The following GNAS variants were observed in gnomAD, a reference collection of about 807,000 sequenced individuals.
GNAS encodes the protein GNAS complex locus.
A neutral mutation model predicts 54.5 loss-of-function variants in GNAS; 8 were observed. The observed-to-expected ratio is 0.15, with a 90% CI of 0.09 to 0.26. The LOEUF is 0.26. GNAS is among the 10% of genes least tolerant of loss of function. The pLI is 1.00. For synonymous variants in GNAS, 204 were observed against 191.4 expected, an observed-to-expected ratio of 1.07 and a Z score of -0.54; for missense variants, 170 against 529.8, an observed-to-expected ratio of 0.32 and a Z score of 6.67.
At chr20:58,888,945 C>CGCGCCCGCGCCCCCCGCCATCGCG, upstream of GNAS, 2 of 333,244 alleles carry the variant, frequency 6.0e-6, no homozygotes, top group Non-Finnish European at 8.5e-6. Context: ...CCGCCTTGGG[C>CGCGCCCGCGCCCCCCGCCATCGCG]GCGCCCGCGC....
upstream of GNAS, chr20:58,889,452 G>C (rs1555882491): frequency 1.5e-5 from 10 of 686,662 alleles, no homozygotes; most frequent in African/African-American, 1.9e-5. Flanking sequence ...CCCGGGCGCC[G>C]CTGCCTTGCC....
chr20:58,854,546 C>T, intron 1 of GNAS: 4 of 1,574,066 alleles, frequency 2.5e-6, no homozygotes, highest in East Asian at 2.3e-5. Context: ...CATTCGCAGC[C>T]GATCCCGACT....
At chr20:58,889,850 G>A (rs1396162991), upstream of GNAS, among the ~76,000 whole-genome samples, 2 of 151,522 alleles carry the variant, frequency 1.3e-5, no homozygotes, top group East Asian at 2.0e-4. Context: ...GGCCAGGCGC[G>A]AGCCGAGCTC....
chr20:58,839,939 A>G (rs2085655809), upstream of GNAS: 1 of 666,236 alleles, frequency 1.5e-6, no homozygotes. Context: ...GTGGTCAGGA[A>G]GGTAGGTGCT....
rs1330394931 is a variant in GNAS, at chr20:58,910,600, C to T, written c.1039-83C>T. On this transcript the variant is annotated intron_variant, in intron 12 of 12. Transcript: ENST00000371085. The surrounding 1 kb of genome is among the most constrained non-coding windows in gnomAD (Gnocchi z 5.8). The stretch of plus-strand genomic sequence containing the variant: ...ATGACATCAGAGGCTGGCTGACAGC[C>T]GTCCCTGGTAGGTGTCCCCATCAGG... 20 of 1,501,226 alleles carry T rather than the reference C, an allele frequency of 1.3e-5. No homozygotes were observed. Among genetic ancestry groups the T allele is most frequent in the Middle Eastern group, 3.7e-4 (2 of 5,462 alleles). 93.0% of individuals were successfully genotyped at this position (1,501,226 alleles called of 1,614,324 possible). A position where few individuals can be genotyped will look rare whatever the true frequency, so the allele number is the denominator to read the frequency against.
intron 1 of GNAS, among the ~76,000 whole-genome samples, chr20:58,858,786 T>TTCTC (rs140651291): frequency 4.6e-5 from 7 of 150,646 alleles, no homozygotes; most frequent in South Asian, 2.1e-4. Flanking sequence ...TATTTTTCTT[T>TTCTC]TCTCTCTCTC....
rs1420338933 is a variant in GNAS, at chr20:58,905,244, T to C, written c.433-139T>C. 9 of 689,096 alleles carry C rather than the reference T, an allele frequency of 1.3e-5. No homozygotes were observed. In the South Asian group the frequency reaches 1.4e-4, roughly 11 times the overall value. The allele number at this position is 689,096 out of a possible 1,614,324, so 42.7% of individuals were successfully genotyped here. A position where few individuals can be genotyped will look rare whatever the true frequency, so the allele number is the denominator to read the frequency against. On this transcript the variant is annotated intron_variant, in intron 5 of 12. Transcript: ENST00000371085. ...AATTAAAGTTCTTTGTGAGCATTAA[T>C]TCATTAATTGGGCTCAAAATTCAAA...
intron 1 of GNAS, among the ~76,000 whole-genome samples, chr20:58,865,099 T>C (rs988124654): frequency 4.6e-5 from 7 of 152,060 alleles, no homozygotes; most frequent in Non-Finnish European, 8.8e-5. Flanking sequence ...AGATCATACA[T>C]ACTGTAACTT....
chr20:58,874,719 G>A (rs1039274097), intron 1 of GNAS, among the ~76,000 whole-genome samples: 1 of 151,782 alleles, frequency 6.6e-6, no homozygotes, highest in Non-Finnish European at 1.5e-5. Context: ...CTCTATCTTT[G>A]CTGCTGGCCT....
chr20:58,854,952 G>A, intron 1 of GNAS: 5 of 1,609,822 alleles, frequency 3.1e-6, no homozygotes, highest in Non-Finnish European at 4.2e-6. Context: ...CGGCCGCCGC[G>A]TGTACTACGA....
intron 1 of GNAS, among the ~76,000 whole-genome samples, chr20:58,879,376 T>G (rs149552722): frequency 7.1e-4 from 108 of 152,368 alleles, no homozygotes; most frequent in African/African-American, 2.5e-3. Flanking sequence ...CATTTTTCAC[T>G]GCTAGAAATA....
intron 1 of GNAS, chr20:58,855,087 C>A (rs374413745): frequency 1.2e-6 from 2 of 1,613,558 alleles, no homozygotes; most frequent in African/African-American, 1.3e-5. Flanking sequence ...GCGCAACTTA[C>A]TCCGCAACTT....
upstream of GNAS, chr20:58,840,176 A>G (rs2085662717): frequency 1.2e-6 from 2 of 1,611,380 alleles, no homozygotes; most frequent in Non-Finnish European, 1.7e-6. This position sits in a 1 kb window ranked among gnomAD's most constrained non-coding sequence, Gnocchi z 6.0. Flanking sequence ...GTGCCCGCCC[A>G]TAGGCCGCCG....
At chr20:58,900,900 T>A (rs776129991) in intron 3 of GNAS, among the ~76,000 whole-genome samples, 1 of 152,236 alleles carries the variant, frequency 6.6e-6, no homozygotes, top group African/African-American at 2.4e-5. Flanking sequence ...ATACTTGATA[T>A]ACTCCCACAC....
intron 1 of GNAS, chr20:58,850,625 C>T (rs951770688): frequency 5.0e-6 from 2 of 399,150 alleles, no homozygotes; most frequent in African/African-American, 4.1e-5. Context: ...GGTCCTGGCC[C>T]TCTACCTCCC....
chr20:58,897,256 TGCCA>T (rs1182089868), intron 2 of GNAS, among the ~76,000 whole-genome samples: 1 of 152,230 alleles, frequency 6.6e-6, no homozygotes, highest in East Asian at 1.9e-4. Flanking sequence ...GATAAAGCCC[TGCCA>T]GCGGAGACTG....
intron 1 of GNAS, among the ~76,000 whole-genome samples, chr20:58,893,158 T>TA (rs2089678916): frequency 6.9e-6 from 1 of 145,694 alleles, no homozygotes. Flanking sequence ...TGGGAAGAGA[T>TA]AAAAAGACAT....
At position 58,909,507 on chromosome 20, in the gene GNAS, C is replaced by G. The variant is rs368777922; in HGVS notation, c.660-14C>G. 8 of 1,613,910 alleles carry G rather than the reference C, an allele frequency of 5.0e-6. No homozygotes were observed. The highest frequency in any genetic ancestry group is 1.3e-5 in the African/African-American group (1 of 75,016). ...AGTCCCTCTGGAATAACCAGCTGTC[C>G]TCCTCCCCACCAGCATGTTTGACGT... On this transcript the variant is annotated splice_polypyrimidine_tract_variant and intron_variant, in intron 8 of 12. Coordinates refer to ENST00000371085, the MANE Select transcript of GNAS (RefSeq NM_000516.7). This position sits in a 1 kb window ranked among gnomAD's most constrained non-coding sequence, Gnocchi z 7.3.
At chr20:58,875,330 C>T (rs1219836577) in intron 1 of GNAS, among the ~76,000 whole-genome samples, 1 of 152,160 alleles carries the variant, frequency 6.6e-6, no homozygotes, top group African/African-American at 2.4e-5. Context: ...CAGTTAATCC[C>T]ATTAGCTGGC....
Sources: gnomAD v4.1 joint callset for allele counts (sites outside exome capture counted in the v4.1 genomes callset) on GRCh38, gnomAD v4.1.1 for gene constraint, Gnocchi (gnomAD v3.1) non-coding constraint, MANE v1.5 for transcripts, NCBI Gene and HGNC (gene_info 2026-07-23, HGNC 2026-07-21) for gene names.